Variants in PLA2G6 observed in about 807,000 individuals in gnomAD.
The protein encoded by PLA2G6 is phospholipase A2 group VI.
A neutral mutation model predicts 83.8 loss-of-function variants in PLA2G6; 62 were observed. The ratio of observed to expected loss-of-function variants is 0.74; its 90% CI spans 0.60 to 0.91. The LOEUF is 0.91. Among genes scored for constraint, PLA2G6 ranks in the 40% least tolerant of loss-of-function variants. The pLI is 0.00. For synonymous variants in PLA2G6, 417 were observed against 449.8 expected (o/e 0.93, Z 0.92); for missense variants, 944 against 1,102.0 (o/e 0.86, Z 2.03).
At position 38,123,841 on chromosome 22, in the gene PLA2G6, C is replaced by T. The variant is rs577142700; in HGVS notation, c.1428-583G>A. 2.0e-5 allele frequency among the ~76,000 whole-genome samples: 3 copies of T among 152,208 alleles called. No homozygotes were observed. Among genetic ancestry groups the T allele is most frequent in the East Asian group, 3.9e-4 (2 of 5,172 alleles). The stretch of plus-strand genomic sequence containing the variant: ...GCAGACCCTCCCTGACATCCCTGTG[C>T]TTATTTATTTAGAGACGGAGTTTCA... On this transcript the variant is annotated intron_variant, in intron 10 of 16. Coordinates refer to ENST00000332509, the MANE Select transcript of PLA2G6 (RefSeq NM_003560.4). This position sits in a 1 kb window ranked among gnomAD's most constrained non-coding sequence, Gnocchi z 4.1.
intron 3 of PLA2G6, 114 bp downstream of exon 3, chr22:38,145,324 A>T: frequency 1.1e-6 from 1 of 888,854 alleles, no homozygotes; most frequent in Non-Finnish European, 1.8e-6. Flanking sequence ...CGACCATGCC[A>T]GGCCCTGCTC....
Position 38,123,579 on chromosome 22 carries a change from G to T in PLA2G6, c.1428-321C>A, listed in dbSNP as rs912010781. Reference sequence around the variant, plus strand: ...GACACCTGATTTTGGTCAGTATCAGGCCTGATCCAAAGCAGGTGCCTGATA... The same window carrying T: ...GACACCTGATTTTGGTCAGTATCAGTCCTGATCCAAAGCAGGTGCCTGATA... On this transcript the variant is annotated intron_variant, in intron 10 of 16. Transcript: ENST00000332509. This position sits in a 1 kb window ranked among gnomAD's most constrained non-coding sequence, Gnocchi z 4.1. 2.6e-5 allele frequency among the ~76,000 whole-genome samples: 4 copies of T among 152,110 alleles called. No homozygotes were observed. Among genetic ancestry groups the T allele is most frequent in the African/African-American group, 9.7e-5 (4 of 41,412 alleles).
At chr22:38,181,188 ACT>A (rs2090832565) in intron 1 of PLA2G6, among the ~76,000 whole-genome samples, 1 of 151,378 alleles carries the variant, frequency 6.6e-6, no homozygotes, top group Non-Finnish European at 1.5e-5. Flanking sequence ...GGGGTGGGAG[ACT>A]CTGGGGTGGC....
At chr22:38,127,082 G>A (rs993844775) in intron 9 of PLA2G6, 8 of 1,101,294 alleles carry the variant, frequency 7.3e-6, no homozygotes, top group Non-Finnish European at 6.7e-6. Context: ...CTGACTAGCT[G>A]CCCCTCCTGA....
rs781152564 is a variant in PLA2G6 at position 38,127,419 on chromosome 22, G to A, written c.1348+850C>T. ...CCCAGGGCGTTACCCATCTGACGCC[G>A]CACCCCAGGCCCACCATCCGGCCTG... On this transcript the variant is annotated intron_variant, in intron 9 of 16. Transcript: ENST00000332509. 34 of 1,327,028 alleles carry A rather than the reference G, an allele frequency of 2.6e-5. No homozygotes were observed. In the African/African-American group the frequency reaches 2.7e-4, roughly 11 times the overall value. 82.2% of individuals were successfully genotyped at this position (1,327,028 alleles called of 1,614,324 possible).
chr22:38,113,331 T>G (rs1276003543), intron 15 of PLA2G6, among the ~76,000 whole-genome samples, 156 bp downstream of exon 15: 1 of 152,182 alleles, frequency 6.6e-6, no homozygotes, highest in Non-Finnish European at 1.5e-5. Flanking sequence ...ACTGAGACTC[T>G]GAACTGTGGA....
intron 2 of PLA2G6, chr22:38,148,683 A>G: frequency 3.1e-6 from 2 of 641,190 alleles, no homozygotes; most frequent in Non-Finnish European, 5.6e-6. Flanking sequence ...CTAAAGAACT[A>G]CGTAGCCTAG....
chr22:38,173,111 G>A (rs1434436863), intron 1 of PLA2G6, among the ~76,000 whole-genome samples: 1 of 152,198 alleles, frequency 6.6e-6, no homozygotes, highest in Non-Finnish European at 1.5e-5. Context: ...CCAGCAGGGA[G>A]AAAGTGCTCA....
intron 1 of PLA2G6, among the ~76,000 whole-genome samples, chr22:38,181,035 G>C (rs973543662): frequency 1.3e-5 from 2 of 152,080 alleles, no homozygotes; most frequent in Non-Finnish European, 1.5e-5. Context: ...TTAAAAATAC[G>C]GCCACAGGTC....
At chr22:38,166,041 G>A (rs1414047447) in intron 2 of PLA2G6, among the ~76,000 whole-genome samples, 2 of 152,164 alleles carry the variant, frequency 1.3e-5, no homozygotes, top group African/African-American at 2.4e-5. Flanking sequence ...CAGGAGACAC[G>A]TGCACAATGA....
At chr22:38,114,106 G>A (rs1426995434) in intron 14 of PLA2G6, among the ~76,000 whole-genome samples, 1 of 152,162 alleles carries the variant, frequency 6.6e-6, no homozygotes, top group Non-Finnish European at 1.5e-5. Flanking sequence ...GCGAAGCTCA[G>A]GCCGGGAAGC....
At chr22:38,134,744 C>T (rs113101899) in intron 6 of PLA2G6, 52 of 544,298 alleles carry the variant, frequency 9.6e-5, no homozygotes, top group African/African-American at 7.4e-4. Flanking sequence ...TTCATCACAT[C>T]GCCAAAGCAG....
chr22:38,162,615 G>A (rs537257381), intron 2 of PLA2G6, among the ~76,000 whole-genome samples: 1 of 152,212 alleles, frequency 6.6e-6, no homozygotes, highest in Non-Finnish European at 1.5e-5. Context: ...GCGTGGTCAT[G>A]TGAATGTGGA....
chr22:38,143,623 G>A (rs935185575), intron 3 of PLA2G6: 33 of 432,814 alleles, frequency 7.6e-5, no homozygotes, highest in Non-Finnish European at 1.2e-4. Context: ...CTTTCTGGGC[G>A]TCAATATCCT....
chr22:38,167,972 C>A (rs11570617), intron 2 of PLA2G6: 2 of 169,628 alleles, frequency 1.2e-5, no homozygotes, highest in East Asian at 3.8e-4. Context: ...CACTTCTGCA[C>A]GGCTGGAACG....
In PLA2G6 at chr22:38,132,815, G is replaced by A. The variant is rs765860212; in HGVS notation, c.1077+16C>T. ...ACCGGGGCCCCACAGGGCAGGACAC[G>A]CGGTCCTGGGCTCACCGACATGGCC... On this transcript the variant is annotated intron_variant, in intron 7 of 16. Transcript: ENST00000332509. This position sits in a 1 kb window ranked among gnomAD's most constrained non-coding sequence, Gnocchi z 5.0. 44 of 1,538,726 alleles carry A rather than the reference G, an allele frequency of 2.9e-5. No individual in the cohort carries two copies. In the Middle Eastern group the frequency reaches 6.4e-4, roughly 22 times the overall value.
chr22:38,158,929 T>C (rs1169002152), intron 2 of PLA2G6, among the ~76,000 whole-genome samples: 1 of 152,194 alleles, frequency 6.6e-6, no homozygotes, highest in African/African-American at 2.4e-5. Context: ...CCAGGCACAC[T>C]GGCTCACACT....
At chr22:38,140,523 A>AG (rs1569272080) in intron 4 of PLA2G6, 1 of 284,704 alleles carries the variant, frequency 3.5e-6, no homozygotes, top group African/African-American at 2.2e-5. Context: ...AAAAGAACGT[A>AG]AAGAGAAGCA....
intron 4 of PLA2G6, chr22:38,141,815 G>A (rs1274211944): frequency 6.6e-6 from 1 of 151,992 alleles, no homozygotes; most frequent in Non-Finnish European, 1.5e-5. Flanking sequence ...ACCATGCTGG[G>A]TGCGCAGAGG....
Sources: gnomAD v4.1 joint callset for allele counts (sites outside exome capture counted in the v4.1 genomes callset) on GRCh38, gnomAD v4.1.1 for gene constraint, Gnocchi (gnomAD v3.1) non-coding constraint, MANE v1.5 for transcripts, NCBI Gene and HGNC (gene_info 2026-07-23, HGNC 2026-07-21) for gene names.